SLC24A2: variants seen among roughly 807,000 people sequenced by gnomAD.
SLC24A2 encodes the protein sodium/potassium/calcium exchanger 2.
In SLC24A2, 36 loss-of-function variants were observed where a neutral mutation model predicts 62.0. The observed-to-expected ratio is 0.58, with a 90% confidence interval of 0.44 to 0.77. SLC24A2 has a LOEUF of 0.77. SLC24A2 is among the 30% of genes least tolerant of loss of function. The pLI is 0.00. For synonymous variants in SLC24A2, 358 were observed against 294.0 expected (o/e 1.22, Z -2.23); for missense variants, 846 against 817.9 (o/e 1.03, Z -0.42).
Position 19,786,674 on chromosome 9 carries a change from G to C in SLC24A2, c.193C>G (p.Gln65Glu). 1.9e-6 allele frequency: 3 copies of C among 1,613,740 alleles called. No homozygotes were observed. The highest frequency in any genetic ancestry group is 1.3e-5 in the African/African-American group (1 of 75,024). Residue 65 changes from glutamine to glutamate, a missense_variant, in exon 2 of 11, where the codon CAG becomes GAG. Transcript: ENST00000341998. The surrounding 1 kb of genome is among the most constrained non-coding windows in gnomAD (Gnocchi z 5.0). ...SISAFSETDT[Q>E]STGEASVVSG... is the part of the protein sequence containing the mutation. ...ACAACACTGGCCTCTCCTGTGCTCT[G>C]TGTATCTGTCTCAGAAAAGGCACTG...
the SLC24A2 span, among the ~76,000 whole-genome samples, chr9:20,106,837 A>C: frequency 6.6e-6 from 1 of 152,084 alleles, no homozygotes; most frequent in Non-Finnish European, 1.5e-5. Flanking sequence ...CAGTGTTGGA[A>C]GTTCTGGCCA....
chr9:20,108,446 C>T, the SLC24A2 span, among the ~76,000 whole-genome samples: 2 of 152,158 alleles, frequency 1.3e-5, no homozygotes, highest in African/African-American at 2.4e-5. Context: ...TTGGAACCAA[C>T]CCAAATGTCC....
chr9:19,966,571 C>T, the SLC24A2 span, among the ~76,000 whole-genome samples: 3 of 152,076 alleles, frequency 2.0e-5, no homozygotes, highest in South Asian at 4.1e-4. Flanking sequence ...ATATTCTTGT[C>T]CTTGGAGAGT....
chr9:19,600,023 A>C (rs999268493), intron 4 of SLC24A2, among the ~76,000 whole-genome samples: 1 of 152,226 alleles, frequency 6.6e-6, no homozygotes, highest in African/African-American at 2.4e-5. Context: ...CTATTAGTTA[A>C]CATTATCTAG....
intron 2 of SLC24A2, among the ~76,000 whole-genome samples, chr9:19,646,551 A>G (rs1244749173): frequency 6.6e-6 from 1 of 152,188 alleles, no homozygotes; most frequent in Admixed American, 6.5e-5. Flanking sequence ...ATCTGTGTGC[A>G]GGCCTCAAAT....
the SLC24A2 span, among the ~76,000 whole-genome samples, chr9:19,905,358 G>A: frequency 6.6e-6 from 1 of 151,230 alleles, no homozygotes; most frequent in Non-Finnish European, 1.5e-5. Flanking sequence ...AGGATGCAAT[G>A]TTGCACATTT....
chr9:20,200,943 G>C, the SLC24A2 span, among the ~76,000 whole-genome samples: 3 of 152,222 alleles, frequency 2.0e-5, no homozygotes, highest in Non-Finnish European at 4.4e-5. Context: ...TTTGAGAACA[G>C]TTCTCTAAAA....
chr9:19,750,517 T>C (rs1203076237), intron 2 of SLC24A2, among the ~76,000 whole-genome samples: 2 of 152,142 alleles, frequency 1.3e-5, no homozygotes, highest in East Asian at 1.9e-4. Context: ...CTATGTCTCC[T>C]TTAGTTCAAG....
At chr9:19,612,491 G>A (rs373527493) in intron 4 of SLC24A2, among the ~76,000 whole-genome samples, 40 of 152,138 alleles carry the variant, frequency 2.6e-4, no homozygotes, top group African/African-American at 6.7e-4. Flanking sequence ...ATATTAGCTC[G>A]CATACTATTA....
chr9:19,977,285 A>G, the SLC24A2 span, among the ~76,000 whole-genome samples: 4 of 152,190 alleles, frequency 2.6e-5, no homozygotes, highest in African/African-American at 7.2e-5. Context: ...ATAAAAATAA[A>G]AAGCGCTTAA....
the SLC24A2 span, among the ~76,000 whole-genome samples, chr9:19,906,176 G>C: frequency 2.3e-4 from 35 of 152,194 alleles, no homozygotes; most frequent in Admixed American, 2.3e-3. Flanking sequence ...AAGAAACTCA[G>C]TCAAAAACAC....
chr9:20,287,614 A>G, the SLC24A2 span, among the ~76,000 whole-genome samples: 32,506 of 152,220 alleles, frequency 0.21, 3,545 homozygotes, highest in Middle Eastern at 0.32. Context: ...TCCTAGTGCT[A>G]GGGATATGTT....
intron 2 of SLC24A2, among the ~76,000 whole-genome samples, chr9:19,626,804 T>C (rs974014570): frequency 3.9e-5 from 6 of 152,144 alleles, no homozygotes; most frequent in African/African-American, 1.4e-4. Context: ...TACACTACTG[T>C]AATAAATAAA....
intron 2 of SLC24A2, among the ~76,000 whole-genome samples, chr9:19,713,952 T>A (rs1481320622): frequency 6.6e-6 from 1 of 152,204 alleles, no homozygotes; most frequent in Admixed American, 6.5e-5. Flanking sequence ...CCCCAAACTG[T>A]TGGTAGATGG....
At chr9:20,190,489 T>C in the SLC24A2 span, among the ~76,000 whole-genome samples, 1 of 152,208 alleles carries the variant, frequency 6.6e-6, no homozygotes, top group South Asian at 2.1e-4. Flanking sequence ...GAAGTAACAT[T>C]TACTAAGCAT....
the SLC24A2 span, among the ~76,000 whole-genome samples, chr9:19,802,400 T>C: frequency 6.6e-5 from 10 of 152,234 alleles, no homozygotes; most frequent in Non-Finnish European, 1.0e-4. Context: ...TATAATATAC[T>C]GAATACAAAT....
chr9:20,125,975 G>A, the SLC24A2 span, among the ~76,000 whole-genome samples: 1 of 152,190 alleles, frequency 6.6e-6, no homozygotes, highest in Non-Finnish European at 1.5e-5. Flanking sequence ...GTGCTGGCTA[G>A]TCAAGACTGT....
At chr9:19,992,480 T>C in the SLC24A2 span, among the ~76,000 whole-genome samples, 2 of 152,244 alleles carry the variant, frequency 1.3e-5, no homozygotes, top group Non-Finnish European at 2.9e-5. Flanking sequence ...AATCATTTTA[T>C]ATACAAACAA....
intron 2 of SLC24A2, among the ~76,000 whole-genome samples, chr9:19,629,370 T>C (rs149152959): frequency 1.3e-5 from 2 of 152,214 alleles, no homozygotes; most frequent in Non-Finnish European, 2.9e-5. Flanking sequence ...GAGAAAATAG[T>C]GGCAAGTGAT....
Sources: allele counts gnomAD v4.1 joint callset (sites outside exome capture counted in the v4.1 genomes callset), GRCh38; gene constraint gnomAD v4.1.1; non-coding constraint Gnocchi (gnomAD v3.1); transcripts MANE v1.5; gene names NCBI Gene and HGNC (gene_info 2026-07-23, HGNC 2026-07-21).